DOCK2: variants seen among roughly 807,000 people sequenced by gnomAD.
The protein encoded by DOCK2 is dedicator of cytokinesis protein 2.
DOCK2 carries 87 observed loss-of-function variants against 248.9 expected under a neutral mutation model. That is an observed-to-expected ratio of 0.35 (90% CI 0.29 to 0.42). The LOEUF (loss-of-function observed/expected upper bound fraction) is 0.42, where lower values mean the gene tolerates loss of function less well. Ranked by LOEUF, DOCK2 falls within the 10% of genes least tolerant of loss-of-function variation. The probability of loss-of-function intolerance (pLI) is 1.00; values close to 1 mark genes in which losing one functional copy is unlikely to be tolerated. For synonymous variants in DOCK2, 805 were observed against 821.6 expected, an observed-to-expected ratio of 0.98 and a Z score of 0.35; for missense variants, 1,747 against 2,300.2, an observed-to-expected ratio of 0.76 and a Z score of 4.92.
intron 22 of DOCK2, among the ~76,000 whole-genome samples, chr5:169,732,681 A>G (rs1281211188): frequency 6.6e-6 from 1 of 152,160 alleles, no homozygotes; most frequent in African/African-American, 2.4e-5. Flanking sequence ...CCTGAAACGT[A>G]TCTCAATTTA....
At chr5:169,881,386 G>A (rs745605895) in intron 27 of DOCK2, 13 of 1,551,374 alleles carry the variant, frequency 8.4e-6, no homozygotes, top group African/African-American at 6.8e-5. Context: ...GATGCACGCC[G>A]TGTTCTGGCA....
intron 27 of DOCK2, among the ~76,000 whole-genome samples, chr5:169,871,006 C>T (rs1215687226): frequency 6.6e-6 from 1 of 152,172 alleles, no homozygotes; most frequent in Non-Finnish European, 1.5e-5. Context: ...TCCTGGTCTA[C>T]AGACAGCTGT....
At chr5:169,681,293 T>A (rs980417708) in intron 6 of DOCK2, among the ~76,000 whole-genome samples, 2 of 151,828 alleles carry the variant, frequency 1.3e-5, no homozygotes, top group African/African-American at 4.8e-5. Flanking sequence ...CTGGCTAATT[T>A]TTGTATTTTT....
At chr5:169,818,837 C>T (rs1237221466) in intron 26 of DOCK2, among the ~76,000 whole-genome samples, 2 of 152,120 alleles carry the variant, frequency 1.3e-5, no homozygotes, top group Admixed American at 6.5e-5. Context: ...TTAATAATTT[C>T]AGGTGAGTGA....
chr5:169,859,052 C>T (rs1771036221), intron 27 of DOCK2, among the ~76,000 whole-genome samples: 1 of 152,026 alleles, frequency 6.6e-6, no homozygotes, highest in Non-Finnish European at 1.5e-5. Context: ...GAAGAGATTG[C>T]ATGTGGGGAG....
chr5:169,820,661 G>C (rs1476363743), intron 26 of DOCK2, among the ~76,000 whole-genome samples: 1 of 152,158 alleles, frequency 6.6e-6, no homozygotes, highest in Non-Finnish European at 1.5e-5. Flanking sequence ...AAACCACAAA[G>C]ATGGGGAAAA....
At chr5:169,793,299 G>A (rs1235089782) in intron 25 of DOCK2, among the ~76,000 whole-genome samples, 1 of 152,138 alleles carries the variant, frequency 6.6e-6, no homozygotes, top group Non-Finnish European at 1.5e-5. Context: ...ACTTCCCTCT[G>A]TACTTGCACC....
chr5:170,002,472 G>C (rs920155958), intron 30 of DOCK2, among the ~76,000 whole-genome samples: 1 of 152,160 alleles, frequency 6.6e-6, no homozygotes, highest in Non-Finnish European at 1.5e-5. Flanking sequence ...AATTCTGAAA[G>C]GCTATCCAAG....
rs577637965 is a variant in DOCK2, at chr5:169,833,989, G to A, written c.2704-6768G>A. 1.2e-3 allele frequency among the ~76,000 whole-genome samples: 122 copies of A among 100,070 alleles called. No homozygotes were observed. The Middle Eastern group carries it at 0.018, about 15-fold the overall frequency. 65.6% of individuals were successfully genotyped at this position (100,070 alleles called of 152,430 possible). A position where few individuals can be genotyped will look rare whatever the true frequency, so the allele number is the denominator to read the frequency against. On this transcript the variant is annotated intron_variant, in intron 26 of 51. Coordinates refer to ENST00000520908, the MANE Select transcript of DOCK2 (RefSeq NM_004946.3). ...CTCTCCAGCTAAATGTCCCAACCAG[G>A]TCACCCTGCAGTAAGCTCACAGACC...
chr5:169,954,130 A>G (rs908867560), intron 27 of DOCK2, among the ~76,000 whole-genome samples: 4 of 152,222 alleles, frequency 2.6e-5, no homozygotes, highest in Admixed American at 6.5e-5. Context: ...CACATTTCAC[A>G]TTAATTATTA....
intron 27 of DOCK2, among the ~76,000 whole-genome samples, chr5:169,942,315 A>C (rs1420585884): frequency 6.6e-6 from 1 of 152,186 alleles, no homozygotes; most frequent in Non-Finnish European, 1.5e-5. Context: ...AAGTGGATCC[A>C]TGCCTCTCCC....
intron 41 of DOCK2, among the ~76,000 whole-genome samples, 195 bp from the exon 42 acceptor site, chr5:170,055,110 G>A (rs111444934): frequency 6.6e-6 from 1 of 152,112 alleles, no homozygotes; most frequent in Non-Finnish European, 1.5e-5. Context: ...AAGGTTGCAG[G>A]GTGACAGCAC....
intron 27 of DOCK2, among the ~76,000 whole-genome samples, chr5:169,867,143 A>T (rs1771615561): frequency 6.6e-6 from 1 of 152,218 alleles, no homozygotes; most frequent in Admixed American, 6.5e-5. Context: ...AAGGATACAG[A>T]TGAAGAGATG....
chr5:170,065,545 G>A (rs1365833633), intron 44 of DOCK2, among the ~76,000 whole-genome samples: 2 of 152,164 alleles, frequency 1.3e-5, no homozygotes, highest in African/African-American at 4.8e-5. Context: ...CTGAGACTAG[G>A]CAACTTACAA....
chr5:169,729,014 G>C (rs905519093), intron 22 of DOCK2, among the ~76,000 whole-genome samples: 1 of 152,216 alleles, frequency 6.6e-6, no homozygotes, highest in Admixed American at 6.5e-5. Context: ...CTGGGAGCTA[G>C]ATTGCTGGTT....
intron 27 of DOCK2, among the ~76,000 whole-genome samples, chr5:169,930,729 C>CTT (rs915621075): frequency 5.3e-5 from 8 of 152,212 alleles, no homozygotes; most frequent in Non-Finnish European, 1.5e-5. Flanking sequence ...CAGTCTACAT[C>CTT]TTCGCCCTTT....
intron 1 of DOCK2, among the ~76,000 whole-genome samples, chr5:169,639,732 T>C (rs1055402947): frequency 3.3e-5 from 5 of 152,358 alleles, no homozygotes; most frequent in Non-Finnish European, 2.9e-5. Context: ...CATGACTGAC[T>C]ATAGCTGCAA....
intron 26 of DOCK2, among the ~76,000 whole-genome samples, chr5:169,823,086 T>C (rs1188592265): frequency 1.3e-5 from 2 of 152,182 alleles, no homozygotes; most frequent in Non-Finnish European, 2.9e-5. Context: ...GTTGAATGTC[T>C]GAATAGACCA....
intron 33 of DOCK2, among the ~76,000 whole-genome samples, chr5:170,019,796 A>G (rs1755658782): frequency 6.6e-6 from 1 of 152,068 alleles, no homozygotes; most frequent in Non-Finnish European, 1.5e-5. Flanking sequence ...GCTCAGTGAC[A>G]TTACCCTGTT....
Sources: allele counts gnomAD v4.1 joint callset (sites outside exome capture counted in the v4.1 genomes callset), GRCh38; gene constraint gnomAD v4.1.1; transcripts MANE v1.5; gene names NCBI Gene and HGNC (gene_info 2026-07-23, HGNC 2026-07-21).